The following FRRS1L variants were observed in gnomAD, a reference collection of about 807,000 sequenced individuals.
The protein encoded by FRRS1L is ferric chelate reductase 1 like, also known as DOMON domain-containing protein FRRS1L.
A neutral mutation model predicts 28.6 loss-of-function variants in FRRS1L; 22 were observed. That is an observed-to-expected ratio of 0.77 (90% CI 0.55 to 1.10). The LOEUF (loss-of-function observed/expected upper bound fraction) is 1.10, where lower values mean the gene tolerates loss of function less well. Among genes scored for constraint, FRRS1L ranks in the 50% least tolerant of loss-of-function variants. The probability of loss-of-function intolerance (pLI) is 0.00; values close to 1 mark genes in which losing one functional copy is unlikely to be tolerated. For missense variants in FRRS1L, 380 were observed against 386.9 expected (o/e 0.98, Z 0.15); for synonymous variants, 158 against 151.4 (o/e 1.04, Z -0.32).
At position 109,137,110 on chromosome 9, in the gene FRRS1L, T is replaced by C. The variant is rs1033213066; in HGVS notation, c.*345A>G. On this transcript the variant is annotated 3_prime_UTR_variant, in exon 5 of 5. Coordinates refer to ENST00000561981, the MANE Select transcript of FRRS1L (RefSeq NM_014334.4). Reference sequence around the variant, plus strand: ...GTCATTTCTAGCCAAAGTTATATGGTATGTGGATCATAAAAAGGCAGTCTT... The same window carrying C: ...GTCATTTCTAGCCAAAGTTATATGGCATGTGGATCATAAAAAGGCAGTCTT... 1 of 162,056 alleles carries C rather than the reference T, an allele frequency of 6.2e-6. No individual in the cohort carries two copies. The highest frequency in any genetic ancestry group is 1.3e-5 in the Non-Finnish European group (1 of 74,470). 10.0% of individuals were successfully genotyped at this position (162,056 alleles called of 1,614,324 possible). A position where few individuals can be genotyped will look rare whatever the true frequency, so the allele number is the denominator to read the frequency against.
intron 1 of FRRS1L, among the ~76,000 whole-genome samples, chr9:109,153,679 G>A (rs1186200238): frequency 1.3e-5 from 2 of 152,142 alleles, no homozygotes; most frequent in Non-Finnish European, 2.9e-5. Context: ...TCTGAGGTGT[G>A]GACAATCTTA....
At chr9:109,162,511 T>C (rs1831491361) in intron 1 of FRRS1L, among the ~76,000 whole-genome samples, 1 of 152,218 alleles carries the variant, frequency 6.6e-6, no homozygotes, top group South Asian at 2.1e-4. Context: ...TGTGGGTCAG[T>C]TTCTTTATCT....
intron 1 of FRRS1L, among the ~76,000 whole-genome samples, chr9:109,155,404 T>A (rs1442690561): frequency 6.6e-6 from 1 of 152,164 alleles, no homozygotes; most frequent in Non-Finnish European, 1.5e-5. Context: ...GATTATATAA[T>A]CTCATTTACA....
chr9:109,149,762 A>T, intron 1 of FRRS1L, 42 bp from the exon 2 acceptor site: 1 of 1,306,064 alleles, frequency 7.7e-7, no homozygotes, highest in Non-Finnish European at 1.1e-6. Context: ...ATCCAGTAAC[A>T]ACTGTTCCAA....
intron 1 of FRRS1L, among the ~76,000 whole-genome samples, chr9:109,163,962 T>C (rs371869986): frequency 1.3e-5 from 2 of 152,198 alleles, no homozygotes; most frequent in African/African-American, 4.8e-5. Context: ...CTTCATGCTA[T>C]CAGGCCACAC....
intron 1 of FRRS1L, among the ~76,000 whole-genome samples, chr9:109,166,494 T>A (rs996713377): frequency 3.9e-5 from 6 of 152,084 alleles, no homozygotes; most frequent in Non-Finnish European, 8.8e-5. Context: ...TTGGGGTTTT[T>A]CTGCTTCCCC....
chr9:109,160,465 C>CAGTGATATGAACATGGCTCACTGT (rs11268890), intron 1 of FRRS1L, among the ~76,000 whole-genome samples: 1 of 151,932 alleles, frequency 6.6e-6, no homozygotes, highest in Non-Finnish European at 1.5e-5. Flanking sequence ...GACTGGAGCA[C>CAGTGATATGAACATGGCTCACTGT]AGCCTCGACC....
At chr9:109,156,613 T>A (rs1320566405) in intron 1 of FRRS1L, among the ~76,000 whole-genome samples, 1 of 151,188 alleles carries the variant, frequency 6.6e-6, no homozygotes, top group Non-Finnish European at 1.5e-5. Context: ...ATGGTCTCAA[T>A]CCCCTGACCT....
intron 4 of FRRS1L, chr9:109,139,691 T>C (rs976495918): frequency 2.0e-5 from 3 of 152,202 alleles, no homozygotes; most frequent in Admixed American, 1.3e-4. Context: ...CCGAAAGTAA[T>C]TGAAGTTATA....
rs1040854988 is a variant in FRRS1L, at chr9:109,133,373, C to T, written c.*4082G>A. The T allele has an allele frequency of 9.2e-5, 14 of 152,172 alleles. No individual in the cohort carries two copies. Among genetic ancestry groups the T allele is most frequent in the Non-Finnish European group, 1.9e-4 (13 of 68,024 alleles). The allele number at this position is 152,172 out of a possible 1,614,324, so 9.4% of individuals were successfully genotyped here. On this transcript the variant is annotated 3_prime_UTR_variant, in exon 5 of 5. Coordinates refer to ENST00000561981, the MANE Select transcript of FRRS1L (RefSeq NM_014334.4). ...AGTTGATATAGAGTAAAACATGCTC[C>T]TTTCCTCTAAATATAACTATAAAAA...
intron 2 of FRRS1L, 148 bp downstream of exon 2, chr9:109,149,488 G>C: frequency 3.4e-6 from 2 of 589,332 alleles, no homozygotes. Flanking sequence ...TGAAAAGCGG[G>C]ATGGCCGTTA....
At position 109,153,201 on chromosome 9, in the gene FRRS1L, C is replaced by T. The variant is rs140097411; in HGVS notation, c.239-3481G>A. ...TTACACCTGAGTTTATGCTGAGCAA[C>T]GGGATGACTAAGAATAGAGGCTGGT... On this transcript the variant is annotated intron_variant, in intron 1 of 4. Coordinates refer to ENST00000561981, the MANE Select transcript of FRRS1L (RefSeq NM_014334.4). 1.4e-3 allele frequency among the ~76,000 whole-genome samples: 208 copies of T among 152,154 alleles called. 1 individual carries two copies. The highest frequency in any genetic ancestry group is 4.6e-3 in the African/African-American group (191 of 41,492).
chr9:109,141,669 T>C (rs1831188956), intron 3 of FRRS1L, 80 bp from the exon 4 acceptor site: 1 of 1,438,822 alleles, frequency 7.0e-7, no homozygotes, highest in African/African-American at 1.4e-5. Flanking sequence ...ATACATTCCA[T>C]CATCTCTGCA....
intron 1 of FRRS1L, among the ~76,000 whole-genome samples, chr9:109,164,077 C>A (rs1003736410): frequency 6.6e-6 from 1 of 152,164 alleles, no homozygotes; most frequent in Non-Finnish European, 1.5e-5. Context: ...GCTTTTAAGG[C>A]AATGTCACTG....
At chr9:109,166,194 T>G (rs965212597) in intron 1 of FRRS1L, among the ~76,000 whole-genome samples, 2 of 152,184 alleles carry the variant, frequency 1.3e-5, no homozygotes, top group Admixed American at 1.3e-4. Context: ...CCATTCCTTC[T>G]GACCACCATC....
chr9:109,164,130 C>T (rs1366190310), intron 1 of FRRS1L, among the ~76,000 whole-genome samples: 1 of 152,162 alleles, frequency 6.6e-6, no homozygotes, highest in Non-Finnish European at 1.5e-5. Flanking sequence ...TCAGGACCCA[C>T]AGGGATGAAG....
chr9:109,153,384 G>A (rs545991595), intron 1 of FRRS1L, among the ~76,000 whole-genome samples: 1 of 152,252 alleles, frequency 6.6e-6, no homozygotes, highest in East Asian at 1.9e-4. Context: ...GGACACTGCG[G>A]CCCAGTGCAG....
intron 1 of FRRS1L, among the ~76,000 whole-genome samples, chr9:109,163,685 C>CT (rs996748630): frequency 1.1e-4 from 17 of 152,020 alleles, no homozygotes; most frequent in African/African-American, 3.6e-4. Context: ...ATTCAAATTC[C>CT]TTTTTTTCTG....
rs1208828776 is a variant in FRRS1L at position 109,132,334 on chromosome 9, AC to A, written c.*5120del. ...ATTACTCTGAAACACTGAAATCCTT[AC>A]CATGAAGAGCAGTTCAGCGCAATGG... On this transcript the variant is annotated 3_prime_UTR_variant, in exon 5 of 5. Transcript: ENST00000561981. 1 of 152,168 alleles carries A rather than the reference AC, an allele frequency of 6.6e-6. No individual in the cohort carries two copies. The highest frequency in any genetic ancestry group is 2.4e-5 in the African/African-American group (1 of 41,434). 9.4% of individuals were successfully genotyped at this position (152,168 alleles called of 1,614,324 possible).
Sources: gnomAD v4.1 joint callset for allele counts (sites outside exome capture counted in the v4.1 genomes callset) on GRCh38, gnomAD v4.1.1 for gene constraint, MANE v1.5 for transcripts, NCBI Gene and HGNC (gene_info 2026-07-23, HGNC 2026-07-21) for gene names.